PDE1A: variants seen among roughly 807,000 people sequenced by gnomAD.
The protein encoded by PDE1A is dual specificity calcium/calmodulin-dependent 3',5'-cyclic nucleotide phosphodiesterase 1A.
A neutral mutation model predicts 61.7 loss-of-function variants in PDE1A; 35 were observed. The ratio of observed to expected loss-of-function variants is 0.57; its 90% CI spans 0.43 to 0.75. PDE1A has a LOEUF of 0.75. Among genes scored for constraint, PDE1A ranks in the 30% least tolerant of loss-of-function variants. The pLI is 0.00. For synonymous variants in PDE1A, 232 were observed against 213.2 expected (o/e 1.09, Z -0.77); for missense variants, 597 against 630.6 (o/e 0.95, Z 0.57).
the PDE1A span, among the ~76,000 whole-genome samples, chr2:182,688,790 C>T: frequency 2.0e-5 from 3 of 152,158 alleles, no homozygotes; most frequent in African/African-American, 4.8e-5. Flanking sequence ...ACCCATCTCA[C>T]ATGCAGAGAC....
At chr2:182,150,630 T>G (rs1690727785) in intron 13 of PDE1A, among the ~76,000 whole-genome samples, 2 of 152,204 alleles carry the variant, frequency 1.3e-5, no homozygotes, top group Non-Finnish European at 2.9e-5. Flanking sequence ...GTTTCAAAAG[T>G]TCAAATCTAA....
the PDE1A span, among the ~76,000 whole-genome samples, chr2:182,548,585 A>AT: frequency 2.6e-5 from 4 of 152,072 alleles, no homozygotes; most frequent in African/African-American, 9.7e-5. Flanking sequence ...ATTTTTAAGA[A>AT]TTTTTTTCTT....
At chr2:182,345,646 A>G (rs922575725) in intron 1 of PDE1A, among the ~76,000 whole-genome samples, 3 of 152,112 alleles carry the variant, frequency 2.0e-5, no homozygotes, top group African/African-American at 7.2e-5. Context: ...TGAACATACC[A>G]GCATGCTCCT....
chr2:182,574,130 C>G, the PDE1A span, among the ~76,000 whole-genome samples: 10 of 151,846 alleles, frequency 6.6e-5, no homozygotes, highest in Admixed American at 6.6e-4. Context: ...GGGCAGGAAG[C>G]ATCCAGCACG....
At chr2:182,303,341 T>C (rs1466170441) in intron 1 of PDE1A, among the ~76,000 whole-genome samples, 2 of 152,196 alleles carry the variant, frequency 1.3e-5, no homozygotes, top group Middle Eastern at 3.2e-3. Context: ...GAAAATAATA[T>C]TAATTGTATA....
the PDE1A span, among the ~76,000 whole-genome samples, chr2:182,615,376 C>CA: frequency 1.1e-4 from 17 of 148,670 alleles, no homozygotes; most frequent in South Asian, 8.6e-4. Flanking sequence ...GTAAGAGATA[C>CA]AAAAAAAAAG....
At chr2:182,354,189 G>T (rs1407160022) in intron 1 of PDE1A, among the ~76,000 whole-genome samples, 1 of 152,072 alleles carries the variant, frequency 6.6e-6, no homozygotes, top group South Asian at 2.1e-4. Flanking sequence ...AACTTTGAAG[G>T]CTGTTTGTCA....
At chr2:182,674,697 A>G in the PDE1A span, among the ~76,000 whole-genome samples, 1 of 152,148 alleles carries the variant, frequency 6.6e-6, no homozygotes, top group South Asian at 2.1e-4. Flanking sequence ...TCAATGGTAG[A>G]TTCAAAGTCA....
At chr2:182,419,376 C>T (rs1194517774) in intron 1 of PDE1A, among the ~76,000 whole-genome samples, 1 of 148,486 alleles carries the variant, frequency 6.7e-6, no homozygotes, top group Non-Finnish European at 1.5e-5. Flanking sequence ...CACTCTGTCG[C>T]CCAGGCTGGA....
intron 1 of PDE1A, among the ~76,000 whole-genome samples, chr2:182,274,774 A>G (rs974441236): frequency 6.6e-6 from 1 of 152,080 alleles, no homozygotes; most frequent in Non-Finnish European, 1.5e-5. Context: ...AAAAACTCAT[A>G]TTTGGTTTTA....
In PDE1A at chr2:182,372,619, C is replaced by A. The variant is rs552868028; in HGVS notation, c.53+53959G>T. 2.0e-4 allele frequency among the ~76,000 whole-genome samples: 30 copies of A among 152,246 alleles called. No homozygotes were observed. In the South Asian group the frequency reaches 5.6e-3, roughly 28 times the overall value. ...ATAGGGACTGGAGAAACAAATTTCACCCCCTAGTCTGACCCTGAAGAGTGA... is the reference window on the plus strand; with the variant it reads ...ATAGGGACTGGAGAAACAAATTTCAACCCCTAGTCTGACCCTGAAGAGTGA... On this transcript the variant is annotated intron_variant, in intron 1 of 13. Coordinates refer to ENST00000351439, the Ensembl canonical transcript of PDE1A.
At chr2:182,546,269 C>T in the PDE1A span, among the ~76,000 whole-genome samples, 1 of 152,084 alleles carries the variant, frequency 6.6e-6, no homozygotes, top group African/African-American at 2.4e-5. Flanking sequence ...CTAGGATGCA[C>T]CAGGGTGTCT....
chr2:182,297,213 A>C (rs1694943261), intron 1 of PDE1A, among the ~76,000 whole-genome samples: 1 of 152,126 alleles, frequency 6.6e-6, no homozygotes, highest in Non-Finnish European at 1.5e-5. Context: ...TGGCAGTTAC[A>C]GGGTTATAAA....
chr2:182,338,415 T>G (rs2125017106), intron 1 of PDE1A, among the ~76,000 whole-genome samples: 1 of 152,340 alleles, frequency 6.6e-6, no homozygotes, highest in South Asian at 2.1e-4. Context: ...GGTTCTGCAC[T>G]TAGAATTTTA....
the PDE1A span, among the ~76,000 whole-genome samples, chr2:182,619,904 CA>C: frequency 6.6e-6 from 1 of 152,114 alleles, no homozygotes; most frequent in African/African-American, 2.4e-5. Context: ...GGCAGAAGCG[CA>C]AGAGAACACA....
At chr2:182,575,127 G>GT in the PDE1A span, among the ~76,000 whole-genome samples, 164 of 152,232 alleles carry the variant, frequency 1.1e-3, no homozygotes, top group Non-Finnish European at 2.1e-3. Context: ...GCAGGTCATG[G>GT]TTTTTTTCCT....
At chr2:182,283,387 A>G (rs1693944729) in intron 1 of PDE1A, among the ~76,000 whole-genome samples, 1 of 151,708 alleles carries the variant, frequency 6.6e-6, no homozygotes, top group Non-Finnish European at 1.5e-5. Flanking sequence ...TGGTTTTGGT[A>G]TAAAGGGTAC....
intron 7 of PDE1A, 97 bp from the exon 8 acceptor site, chr2:182,206,162 A>G: frequency 2.3e-6 from 2 of 861,680 alleles, no homozygotes; most frequent in Non-Finnish European, 3.5e-6. Flanking sequence ...TGACCAGAAA[A>G]CATCCTATAA....
intron 1 of PDE1A, among the ~76,000 whole-genome samples, chr2:182,313,862 G>T (rs183745393): frequency 1.3e-5 from 2 of 152,030 alleles, no homozygotes; most frequent in Non-Finnish European, 2.9e-5. Flanking sequence ...AATATTAAAG[G>T]GTAACTCATT....
Sources: allele counts gnomAD v4.1 joint callset (sites outside exome capture counted in the v4.1 genomes callset), GRCh38; gene constraint gnomAD v4.1.1; transcripts MANE v1.5; gene names NCBI Gene and HGNC (gene_info 2026-07-23, HGNC 2026-07-21).